The following MCCC1 variants were observed in gnomAD, a reference collection of about 807,000 sequenced individuals.
MCCC1 encodes the protein methylcrotonoyl-CoA carboxylase subunit alpha, mitochondrial.
A neutral mutation model predicts 83.8 loss-of-function variants in MCCC1; 64 were observed. The ratio of observed to expected loss-of-function variants is 0.76; its 90% CI spans 0.62 to 0.94. The LOEUF (loss-of-function observed/expected upper bound fraction) is 0.94. Ranked by LOEUF, MCCC1 falls within the 40% of genes least tolerant of loss-of-function variation. The probability of loss-of-function intolerance (pLI) is 0.00; values close to 1 mark genes in which losing one functional copy is unlikely to be tolerated. For synonymous variants in MCCC1, 322 were observed against 315.4 expected (o/e 1.02, Z -0.22); for missense variants, 807 against 904.7 (o/e 0.89, Z 1.39).
intron 7 of MCCC1, among the ~76,000 whole-genome samples, chr3:183,060,681 C>G (rs1287085042): frequency 1.6e-4 from 24 of 152,124 alleles, no homozygotes; most frequent in Admixed American, 1.5e-3. Context: ...CCCATTAACT[C>G]GTCATTTACA....
intron 14 of MCCC1, among the ~76,000 whole-genome samples, chr3:183,033,050 C>A (rs764103340): frequency 2.0e-5 from 3 of 152,104 alleles, no homozygotes; most frequent in Non-Finnish European, 4.4e-5. Flanking sequence ...ATGTCACATT[C>A]AAGGTTAGCC....
intron 1 of MCCC1, among the ~76,000 whole-genome samples, chr3:183,114,860 G>A (rs1268445992): frequency 6.6e-6 from 1 of 152,112 alleles, no homozygotes; most frequent in Non-Finnish European, 1.5e-5. Context: ...CATGCTGGCT[G>A]CCCCTGTATT....
At position 183,097,258 on chromosome 3, in the gene MCCC1, AAG is replaced by A. The variant is rs1295247064; in HGVS notation, c.89+2092_89+2093del. On this transcript the variant is annotated intron_variant, in intron 1 of 18. Coordinates refer to ENST00000265594, the MANE Select transcript of MCCC1 (RefSeq NM_020166.5). The stretch of plus-strand genomic sequence containing the variant: ...CGAGACTCCGTCTCAAAAAAAAAAA[AAG>A]AAGCTGCTTCCCTGATTCAAGGTAG... 9.2e-5 allele frequency among the ~76,000 whole-genome samples: 14 copies of A among 152,346 alleles called. No homozygotes were observed. In the East Asian group the frequency reaches 2.3e-3, roughly 25 times the overall value.
upstream of MCCC1, among the ~76,000 whole-genome samples, chr3:183,102,347 A>C (rs1719325700): frequency 6.6e-6 from 1 of 152,154 alleles, no homozygotes. Flanking sequence ...TGGGTAACAG[A>C]GTGAGAGAAT....
chr3:183,102,237 A>C (rs1331863497), upstream of MCCC1, among the ~76,000 whole-genome samples: 1 of 152,126 alleles, frequency 6.6e-6, no homozygotes, highest in Admixed American at 6.6e-5. Context: ...GTAATGATGC[A>C]CACTTGTAGT....
intron 12 of MCCC1, among the ~76,000 whole-genome samples, chr3:183,037,932 A>G (rs1308372317): frequency 6.6e-6 from 1 of 152,206 alleles, no homozygotes; most frequent in African/African-American, 2.4e-5. Flanking sequence ...TACCGATACA[A>G]AAATTTTAAA....
intron 4 of MCCC1, among the ~76,000 whole-genome samples, chr3:183,074,000 G>A (rs747290276): frequency 6.6e-6 from 1 of 152,212 alleles, no homozygotes; most frequent in Non-Finnish European, 1.5e-5. Flanking sequence ...ACAAAGGGAC[G>A]ATTCACATCC....
intron 9 of MCCC1, among the ~76,000 whole-genome samples, chr3:183,048,238 G>T (rs550114378): frequency 5.3e-5 from 8 of 151,914 alleles, no homozygotes; most frequent in Non-Finnish European, 1.2e-4. Flanking sequence ...CAAACAAGGG[G>T]AATAAATAGA....
chr3:183,074,698 T>C (rs1370051136), intron 4 of MCCC1, among the ~76,000 whole-genome samples: 2 of 152,240 alleles, frequency 1.3e-5, no homozygotes, highest in Non-Finnish European at 2.9e-5. Context: ...TAGAGTTTTA[T>C]ATCTTTTAAA....
At chr3:183,046,625 C>A (rs541748837) in intron 9 of MCCC1, among the ~76,000 whole-genome samples, 47 of 152,126 alleles carry the variant, frequency 3.1e-4, no homozygotes, top group South Asian at 2.5e-3. Context: ...GTCTTGAACT[C>A]CTGACCTCAA....
intron 12 of MCCC1, 28 bp downstream of exon 12, chr3:183,038,998 G>A (rs930373733): frequency 1.3e-6 from 2 of 1,599,146 alleles, no homozygotes; most frequent in African/African-American, 1.3e-5. Context: ...ACACATCAAG[G>A]TCACTGGCAC....
At position 183,071,202 on chromosome 3, in the gene MCCC1, A is replaced by C; in HGVS notation, c.639+8T>G. The C allele has an allele frequency of 6.2e-7, 1 of 1,614,174 alleles. No homozygotes were observed. Among genetic ancestry groups the C allele is most frequent in the Non-Finnish European group, 8.5e-7 (1 of 1,179,988 alleles). On this transcript the variant is annotated splice_region_variant and intron_variant, in intron 6 of 18. Transcript: ENST00000265594. ...TGAATTGGCAAACACAAGCATGCAC[A>C]ATCTTACTTTTCCTCCTCCACCCCG...
upstream of MCCC1, among the ~76,000 whole-genome samples, chr3:183,101,728 T>C (rs1285983416): frequency 6.6e-6 from 1 of 152,234 alleles, no homozygotes; most frequent in African/African-American, 2.4e-5. Context: ...CTGTGGAAGC[T>C]TTGTTCTTTC....
At chr3:183,100,768 C>T (rs915088291), upstream of MCCC1, among the ~76,000 whole-genome samples, 3 of 152,384 alleles carry the variant, frequency 2.0e-5, no homozygotes, top group Admixed American at 2.0e-4. Flanking sequence ...CTCTCGGCAC[C>T]TCCCCTGCCT....
At chr3:183,102,685 T>C (rs1451221032), upstream of MCCC1, among the ~76,000 whole-genome samples, 1 of 138,754 alleles carries the variant, frequency 7.2e-6, no homozygotes, top group Non-Finnish European at 1.5e-5. Flanking sequence ...TCCAAGTAGA[T>C]GAAAGATTAA....
intron 1 of MCCC1, among the ~76,000 whole-genome samples, chr3:183,111,195 C>T (rs866552839): frequency 5.3e-5 from 8 of 152,294 alleles, no homozygotes; most frequent in Middle Eastern, 6.8e-3. Flanking sequence ...TCTGGATTTC[C>T]GCTTCTGTCA....
chr3:183,094,465 C>A, intron 2 of MCCC1, 94 bp downstream of exon 2: 3 of 1,184,436 alleles, frequency 2.5e-6, no homozygotes, highest in Non-Finnish European at 3.7e-6. Flanking sequence ...ATAACTAATT[C>A]TATTATGCAT....
At chr3:183,084,065 A>C (rs1320344674) in intron 4 of MCCC1, among the ~76,000 whole-genome samples, 6 of 152,236 alleles carry the variant, frequency 3.9e-5, no homozygotes, top group African/African-American at 1.2e-4. Context: ...GGTAGGACTT[A>C]AAGGCTGTTA....
intron 3 of MCCC1, among the ~76,000 whole-genome samples, chr3:183,091,324 T>C (rs1718316312): frequency 6.6e-6 from 1 of 152,100 alleles, no homozygotes; most frequent in Admixed American, 6.5e-5. Context: ...TCCCAGCACT[T>C]TGGGAGGCCA....
Sources: allele counts gnomAD v4.1 joint callset (sites outside exome capture counted in the v4.1 genomes callset), GRCh38; gene constraint gnomAD v4.1.1; transcripts MANE v1.5; gene names NCBI Gene and HGNC (gene_info 2026-07-23, HGNC 2026-07-21).